Variants in PRKACB observed in about 807,000 individuals in gnomAD.
PRKACB encodes cAMP-dependent protein kinase catalytic subunit beta.
PRKACB carries 16 observed loss-of-function variants against 51.4 expected under a neutral mutation model. The ratio of observed to expected loss-of-function variants is 0.31; its 90% CI spans 0.21 to 0.47. The LOEUF is 0.47. PRKACB is among the 20% of genes least tolerant of loss of function. The pLI is 1.00. For synonymous variants in PRKACB, 147 were observed against 154.4 expected, an observed-to-expected ratio of 0.95 and a Z score of 0.35; for missense variants, 309 against 464.5, an observed-to-expected ratio of 0.67 and a Z score of 3.08.
At chr1:84,119,114 T>C (rs1186536435) in intron 1 of PRKACB, among the ~76,000 whole-genome samples, 1 of 152,178 alleles carries the variant, frequency 6.6e-6, no homozygotes, top group Non-Finnish European at 1.5e-5. Context: ...TTTGTCTCTC[T>C]GCCTCTGCCA....
chr1:84,178,607 G>A (rs1662137343), intron 1 of PRKACB, among the ~76,000 whole-genome samples: 4 of 151,898 alleles, frequency 2.6e-5, no homozygotes, highest in Admixed American at 1.3e-4. Context: ...TTTTGTTGTC[G>A]ATGTTTTGTT....
At chr1:84,190,014 G>T (rs1209635126) in intron 5 of PRKACB, among the ~76,000 whole-genome samples, 2 of 151,602 alleles carry the variant, frequency 1.3e-5, no homozygotes, top group Non-Finnish European at 1.5e-5. Flanking sequence ...CAAACCCCCA[G>T]TCTTAATCTT....
chr1:84,178,926 A>G (rs769599272), intron 1 of PRKACB: 5 of 257,534 alleles, frequency 1.9e-5, no homozygotes, highest in South Asian at 1.2e-4. Flanking sequence ...CAGGAACAGA[A>G]TTTTTGTTAT....
intron 1 of PRKACB, among the ~76,000 whole-genome samples, chr1:84,118,446 A>G (rs1338366687): frequency 6.6e-6 from 1 of 152,216 alleles, no homozygotes; most frequent in African/African-American, 2.4e-5. Context: ...CAAAATGTAT[A>G]CATTTTAACA....
rs538272269 is a variant in PRKACB, at chr1:84,147,058, C to A, written c.187+2510C>A. Among the ~76,000 whole-genome samples the A allele has an allele frequency of 5.9e-5, 9 of 152,108 alleles. No homozygotes were observed. In the East Asian group the frequency reaches 1.7e-3, roughly 29 times the overall value. On this transcript the variant is annotated intron_variant, in intron 1 of 9. Transcript: ENST00000370685. Reference sequence around the variant, plus strand: ...AATTTATTATAGTTAGCTTTTTAATCTTCCTTTGATCATAAATGTGTAGAG... The same window carrying A: ...AATTTATTATAGTTAGCTTTTTAATATTCCTTTGATCATAAATGTGTAGAG...
chr1:84,101,118 C>G (rs1649319748), intron 1 of PRKACB, among the ~76,000 whole-genome samples: 1 of 152,122 alleles, frequency 6.6e-6, no homozygotes, highest in Non-Finnish European at 1.5e-5. Context: ...AGATATATTG[C>G]AAGAAATTGA....
chr1:84,143,273 G>A (rs921568408), upstream of PRKACB, among the ~76,000 whole-genome samples: 2 of 152,098 alleles, frequency 1.3e-5, no homozygotes, highest in African/African-American at 4.8e-5. Flanking sequence ...CCAACATGGA[G>A]AAACCCCATC....
At chr1:84,116,308 A>C (rs540896444) in intron 1 of PRKACB, among the ~76,000 whole-genome samples, 1 of 152,124 alleles carries the variant, frequency 6.6e-6, no homozygotes, top group East Asian at 1.9e-4. Flanking sequence ...TTTTGCTCAG[A>C]GTTGCTTTGG....
chr1:84,214,072 GA>G (rs796198461), intron 8 of PRKACB, 80 bp from the exon 9 acceptor site: 61 of 1,356,390 alleles, frequency 4.5e-5, no homozygotes, highest in African/African-American at 7.5e-5. Context: ...TTGTTGCCTT[GA>G]AAAAAAAACT....
intron 5 of PRKACB, among the ~76,000 whole-genome samples, chr1:84,189,918 A>T (rs879806334): frequency 7.9e-5 from 12 of 151,902 alleles, no homozygotes; most frequent in Non-Finnish European, 1.8e-4. Flanking sequence ...TTTTAGAAAA[A>T]TATGTAAACA....
chr1:84,173,242 CAGTAGTGAACATGTAT>C, intron 1 of PRKACB: 1 of 940,182 alleles, frequency 1.1e-6, no homozygotes, highest in East Asian at 2.6e-5. Flanking sequence ...ATGTGCAGTA[CAGTAGTGAACATGTAT>C]AGATGGGTAA....
At chr1:84,158,179 A>G (rs1227823748) in intron 1 of PRKACB, among the ~76,000 whole-genome samples, 1 of 151,906 alleles carries the variant, frequency 6.6e-6, no homozygotes, top group Non-Finnish European at 1.5e-5. Flanking sequence ...CTGGCATTAC[A>G]GGCATGCGCC....
Position 84,158,133 on chromosome 1 carries a change from T to C in PRKACB, c.187+13585T>C, listed in dbSNP as rs926785396. On this transcript the variant is annotated intron_variant, in intron 1 of 9. Coordinates refer to ENST00000370685, the MANE Select transcript of PRKACB (RefSeq NM_182948.4). ...CTCTGTCACCCAGGCTGGAGTGCAG[T>C]GGCGCAAGTGATTCTCCTGTCTCAG... is the stretch of plus-strand genomic sequence containing the variant. 6.6e-5 allele frequency among the ~76,000 whole-genome samples: 10 copies of C among 152,034 alleles called. No homozygotes were observed. In the East Asian group the frequency reaches 1.9e-3, roughly 29 times the overall value.
chr1:84,233,274 G>A (rs1345917632), intron 9 of PRKACB, among the ~76,000 whole-genome samples: 19 of 152,144 alleles, frequency 1.2e-4, no homozygotes, highest in African/African-American at 3.6e-4. Flanking sequence ...AGTTTCTGCC[G>A]AGAGATCCGC....
intron 8 of PRKACB, among the ~76,000 whole-genome samples, chr1:84,206,241 A>G (rs368682671): frequency 1.3e-5 from 2 of 152,214 alleles, no homozygotes; most frequent in Admixed American, 6.5e-5. Context: ...GACATGCAAC[A>G]TAGAGAAGTA....
intron 9 of PRKACB, among the ~76,000 whole-genome samples, chr1:84,230,710 C>G (rs1675490899): frequency 6.7e-6 from 1 of 148,978 alleles, no homozygotes; most frequent in African/African-American, 2.5e-5. Context: ...AATGGGAGTT[C>G]ACTCATGATT....
At chr1:84,101,548 A>G (rs1473048494) in intron 1 of PRKACB, among the ~76,000 whole-genome samples, 1 of 152,152 alleles carries the variant, frequency 6.6e-6, no homozygotes, top group East Asian at 1.9e-4. Flanking sequence ...TTTTTAACTT[A>G]CATTTATTAC....
intron 1 of PRKACB, among the ~76,000 whole-genome samples, chr1:84,114,698 A>G (rs1650493511): frequency 6.6e-6 from 1 of 152,062 alleles, no homozygotes; most frequent in South Asian, 2.1e-4. Flanking sequence ...CGTCCTAGTC[A>G]GCCTTCCCAG....
At chr1:84,224,775 GC>G (rs1187729694) in intron 9 of PRKACB, among the ~76,000 whole-genome samples, 1 of 152,208 alleles carries the variant, frequency 6.6e-6, no homozygotes, top group Non-Finnish European at 1.5e-5. Context: ...CCCTGATGGT[GC>G]AGTGCATGCC....
Sources: gnomAD v4.1 joint callset for allele counts (sites outside exome capture counted in the v4.1 genomes callset) on GRCh38, gnomAD v4.1.1 for gene constraint, MANE v1.5 for transcripts, NCBI Gene and HGNC (gene_info 2026-07-23, HGNC 2026-07-21) for gene names.